Variants in MRAP2 observed in about 807,000 individuals in gnomAD.
MRAP2 encodes the protein melanocortin-2 receptor accessory protein 2.
A neutral mutation model predicts 17.4 loss-of-function variants in MRAP2; 20 were observed. The ratio of observed to expected loss-of-function variants is 1.15; its 90% confidence interval spans 0.81 to 1.67. The LOEUF is 1.67. Among genes scored for constraint, MRAP2 ranks in the 40% most tolerant of loss-of-function variants. MRAP2 has a pLI of 0.00. For missense variants in MRAP2, 238 were observed against 240.0 expected (o/e 0.99, Z 0.05); for synonymous variants, 96 against 88.4 (o/e 1.09, Z -0.48).
downstream of MRAP2, among the ~76,000 whole-genome samples, chr6:84,093,227 CAT>C (rs1288399442): frequency 2.0e-5 from 3 of 151,154 alleles, no homozygotes; most frequent in Non-Finnish European, 4.4e-5. Context: ...GATCACCAAA[CAT>C]AGGAGCAAAG....
intron 3 of MRAP2, among the ~76,000 whole-genome samples, chr6:84,068,358 T>C (rs2099495294): frequency 7.0e-6 from 1 of 142,108 alleles, no homozygotes; most frequent in Non-Finnish European, 1.5e-5. Context: ...AGTGTTGCTT[T>C]GGTTATGCAA....
At chr6:84,104,651 G>A in the MRAP2 span, among the ~76,000 whole-genome samples, 1 of 152,032 alleles carries the variant, frequency 6.6e-6, no homozygotes, top group Non-Finnish European at 1.5e-5. Flanking sequence ...GGTGGATCAC[G>A]AGGTCAGGAG....
intron 1 of MRAP2, among the ~76,000 whole-genome samples, chr6:84,034,297 C>T (rs1335490447): frequency 6.6e-6 from 1 of 152,054 alleles, no homozygotes; most frequent in Non-Finnish European, 1.5e-5. Context: ...AGAGAGCCCC[C>T]CTGGGCTGGG....
At chr6:84,113,315 G>A in the MRAP2 span, among the ~76,000 whole-genome samples, 2 of 152,252 alleles carry the variant, frequency 1.3e-5, no homozygotes, top group South Asian at 2.1e-4. Flanking sequence ...AGCTCTTCTT[G>A]TTGCATTGAT....
chr6:84,037,550 C>T (rs1001677494), intron 1 of MRAP2, among the ~76,000 whole-genome samples: 1 of 151,570 alleles, frequency 6.6e-6, no homozygotes, highest in Non-Finnish European at 1.5e-5. Flanking sequence ...TGGGGAGGCT[C>T]GGGCAGTGCG....
chr6:84,144,488 ATAGT>A, the MRAP2 span, among the ~76,000 whole-genome samples: 2 of 152,084 alleles, frequency 1.3e-5, no homozygotes, highest in African/African-American at 4.8e-5. Flanking sequence ...TCATCCACAG[ATAGT>A]TAATTGTTTT....
Position 84,062,975 on chromosome 6 carries a change from A to G in MRAP2, c.210A>G (p.Thr70=). ...TTGTGCTGACCTTGCTGACCAAGAC[A>G]GGAGCCCCACACCAAGAGTAAGTTT... ...MFFVLTLLTK[T]GAPHQDNAES... The change falls in exon 3 of 4, where the codon ACA becomes ACG. Residue 70 remains threonine, a synonymous_variant. Transcript: ENST00000257776. 2 of 1,614,214 alleles carry G rather than the reference A, an allele frequency of 1.2e-6. No homozygotes were observed. The highest frequency in any genetic ancestry group is 1.7e-6 in the Non-Finnish European group (2 of 1,180,020).
intron 3 of MRAP2, among the ~76,000 whole-genome samples, chr6:84,087,233 C>T (rs1431141383): frequency 6.6e-6 from 1 of 152,138 alleles, no homozygotes; most frequent in Non-Finnish European, 1.5e-5. Context: ...AACATTGGTT[C>T]AGTCTGGAAA....
At chr6:84,087,341 G>C (rs898286050) in intron 3 of MRAP2, among the ~76,000 whole-genome samples, 1 of 152,202 alleles carries the variant, frequency 6.6e-6, no homozygotes, top group Non-Finnish European at 1.5e-5. Flanking sequence ...CTCTCCAAAG[G>C]AGGCAATCAG....
intron 3 of MRAP2, among the ~76,000 whole-genome samples, chr6:84,073,840 C>G (rs1028496678): frequency 6.6e-6 from 1 of 150,686 alleles, no homozygotes; most frequent in Non-Finnish European, 1.5e-5. Context: ...AACACAAATT[C>G]GTAAATTTGC....
At chr6:84,046,612 T>G (rs2099489099) in intron 1 of MRAP2, among the ~76,000 whole-genome samples, 1 of 151,852 alleles carries the variant, frequency 6.6e-6, no homozygotes, top group Non-Finnish European at 1.5e-5. Flanking sequence ...AAACCCCATC[T>G]CTGCTAAAAG....
the MRAP2 span, among the ~76,000 whole-genome samples, chr6:84,130,391 T>C: frequency 2.0e-5 from 3 of 152,006 alleles, no homozygotes; most frequent in Non-Finnish European, 2.9e-5. Flanking sequence ...TAGGGAGGAG[T>C]CCCTCTTTTT....
the MRAP2 span, among the ~76,000 whole-genome samples, chr6:84,130,100 C>T: frequency 4.6e-5 from 7 of 152,164 alleles, no homozygotes; most frequent in African/African-American, 1.7e-4. Flanking sequence ...AAGGCCTCTT[C>T]TGCATCTATA....
chr6:84,073,161 C>A (rs1281038998), intron 3 of MRAP2, among the ~76,000 whole-genome samples: 1 of 152,322 alleles, frequency 6.6e-6, no homozygotes, highest in East Asian at 1.9e-4. Context: ...TGTTTCTCCC[C>A]CTGATCCCCT....
chr6:84,049,928 A>G (rs9362026), intron 1 of MRAP2, among the ~76,000 whole-genome samples: 124,573 of 152,056 alleles, frequency 0.82, 51,864 homozygotes, highest in African/African-American at 0.96. Flanking sequence ...GCAGTGTAGA[A>G]AAATGTGGGA....
chr6:84,083,602 T>C (rs981223681), intron 3 of MRAP2, among the ~76,000 whole-genome samples: 2 of 152,148 alleles, frequency 1.3e-5, no homozygotes, highest in Non-Finnish European at 1.5e-5. Context: ...CCGGGCAAAA[T>C]TGTATGCTGA....
rs9449777 is a variant in MRAP2, at chr6:84,089,512, G to T, written c.*31G>T. On this transcript the variant is annotated 3_prime_UTR_variant, in exon 4 of 4. Transcript: ENST00000257776. ...ATGCTCTGTAAAGGGTCTTCCTGAA[G>T]ATGTGGATTCTATCTTTATGTAGCA... is the stretch of plus-strand genomic sequence containing the variant. The T allele has an allele frequency of 0.091, 144,324 of 1,578,782 alleles. 14,841 individuals are homozygous for T. Among genetic ancestry groups the T allele is most frequent in the African/African-American group, 0.53 (38,979 of 73,490 alleles).
chr6:84,080,021 G>T lies in MRAP2; in HGVS notation c.228-9070G>T, dbSNP rs903432742. ...AACCTTCCCCAGCTCTATTGCCAGG[G>T]TTTTTTTTTTGTTTGTTTGATTTTT... On this transcript the variant is annotated intron_variant, in intron 3 of 3. Transcript: ENST00000257776. Among the ~76,000 whole-genome samples the T allele has an allele frequency of 7.7e-4, 115 of 148,584 alleles. 1 individual carries two copies. Among genetic ancestry groups the T allele is most frequent in the African/African-American group, 2.7e-3 (111 of 40,474 alleles).
chr6:84,141,495 G>A, the MRAP2 span, among the ~76,000 whole-genome samples: 4 of 152,140 alleles, frequency 2.6e-5, no homozygotes, highest in Non-Finnish European at 2.9e-5. Context: ...AAGATCTTCC[G>A]ATCTCTGGGT....
Sources: allele counts gnomAD v4.1 joint callset (sites outside exome capture counted in the v4.1 genomes callset), GRCh38; gene constraint gnomAD v4.1.1; transcripts MANE v1.5; gene names NCBI Gene and HGNC (gene_info 2026-07-23, HGNC 2026-07-21).